TNRC18: variants seen among roughly 807,000 people sequenced by gnomAD.
TNRC18 encodes trinucleotide repeat containing 18, also known as trinucleotide repeat-containing gene 18 protein.
In TNRC18, 69 loss-of-function variants were observed where a neutral mutation model predicts 226.7. The observed-to-expected ratio is 0.30, with a 90% CI of 0.25 to 0.37. The LOEUF is 0.37. Ranked by LOEUF, TNRC18 falls within the 10% of genes least tolerant of loss-of-function variation. TNRC18 has a pLI of 1.00. For synonymous variants in TNRC18, 2,449 were observed against 1,927.6 expected, an observed-to-expected ratio of 1.27 and a Z score of -7.09; for missense variants, 4,754 against 4,256.6, an observed-to-expected ratio of 1.12 and a Z score of -3.25.
chr7:5,316,212 T>C (rs1787825266), intron 24 of TNRC18, 140 bp from the exon 25 acceptor site: 1 of 551,826 alleles, frequency 1.8e-6, no homozygotes. Flanking sequence ...GTGGAGGGTA[T>C]ACAGCGGCTC....
chr7:5,345,892 C>A (rs2128139947), intron 17 of TNRC18, 82 bp from the exon 18 acceptor site: 8 of 1,470,724 alleles, frequency 5.4e-6, no homozygotes, highest in Non-Finnish European at 7.2e-6. Flanking sequence ...CCCAGAGTGG[C>A]CTCTGGGCTC....
At chr7:5,379,780 G>A (rs1165632356) in intron 5 of TNRC18, among the ~76,000 whole-genome samples, 7 of 152,230 alleles carry the variant, frequency 4.6e-5, no homozygotes, top group Non-Finnish European at 8.8e-5. Flanking sequence ...AAACCTGCCC[G>A]TCGGCTCCCA....
chr7:5,364,303 T>C (rs898765913), intron 11 of TNRC18, among the ~76,000 whole-genome samples: 6 of 151,434 alleles, frequency 4.0e-5, no homozygotes, highest in Non-Finnish European at 8.8e-5. Context: ...AAAAACAAAA[T>C]TAAATAAAAT....
Position 5,421,060 on chromosome 7 carries a change from C to T in TNRC18, c.187G>A (p.Gly63Ser), listed in dbSNP as rs1180239796. The T allele has an allele frequency of 5.5e-5, 84 of 1,517,614 alleles. No homozygotes were observed. The highest frequency in any genetic ancestry group is 7.0e-5 in the Non-Finnish European group (79 of 1,122,790). The allele number at this position is 1,517,614 out of a possible 1,614,324, so 94.0% of individuals were successfully genotyped here. The change falls in exon 2 of 30, where the codon GGC becomes AGC. Residue 63 changes from glycine (G) to serine (S), a missense_variant and splice_region_variant. By Grantham distance (56) the Gly-to-Ser change is moderately conservative. Coordinates refer to ENST00000430969, the MANE Select transcript of TNRC18 (RefSeq NM_001080495.3). ...MAGLNLHPHP[G>S]EAFLGSFVAS... ...GACGGGCACGGCGCGGGGCACTTAC[C>T]CGGGTGCGGATGGAGATTCAGGCCG...
Position 5,377,331 on chromosome 7 carries a change from T to G in TNRC18, c.2461+40A>C. 1 of 518,914 alleles carries G rather than the reference T, an allele frequency of 1.9e-6. No individual in the cohort carries two copies. 32.1% of individuals were successfully genotyped at this position (518,914 alleles called of 1,614,324 possible). On this transcript the variant is annotated intron_variant, in intron 7 of 29. Coordinates refer to ENST00000430969, the MANE Select transcript of TNRC18 (RefSeq NM_001080495.3). The surrounding 1 kb of genome is among the most constrained non-coding windows in gnomAD (Gnocchi z 5.8). Reference sequence around the variant, plus strand: ...TCCTGCACCCGCCCCCTCCCACCCCTCCCTCAGAGAAGGGGAGAGACCCTG... The same window carrying G: ...TCCTGCACCCGCCCCCTCCCACCCCGCCCTCAGAGAAGGGGAGAGACCCTG...
chr7:5,421,277 A>T lies in TNRC18; in HGVS notation c.-31T>A. Reference sequence around the variant, plus strand: ...GCGGGAGTGCCGCGATCAGCCCCCCACCCGGCCCGCAGGCCTAGCTCAGTG... The same window carrying T: ...GCGGGAGTGCCGCGATCAGCCCCCCTCCCGGCCCGCAGGCCTAGCTCAGTG... On this transcript the variant is annotated 5_prime_UTR_variant, in exon 2 of 30. Transcript: ENST00000430969. The T allele has an allele frequency of 7.9e-7, 1 of 1,269,910 alleles. No homozygotes were observed. The highest frequency in any genetic ancestry group is 9.9e-7 in the Non-Finnish European group (1 of 1,005,690). 78.7% of individuals were successfully genotyped at this position (1,269,910 alleles called of 1,614,324 possible). A position where few individuals can be genotyped will look rare whatever the true frequency, so the allele number is the denominator to read the frequency against.
chr7:5,345,544 C>CCCCCCCCCCCCCCT lies in TNRC18; in HGVS notation c.5719+17_5719+18insAGGGGGGGGGGGGG. 7.0e-7 allele frequency: 1 copy of CCCCCCCCCCCCCCT among 1,423,604 alleles called. No homozygotes were observed. Among genetic ancestry groups the CCCCCCCCCCCCCCT allele is most frequent in the Non-Finnish European group, 9.3e-7 (1 of 1,079,986 alleles). The allele number at this position is 1,423,604 out of a possible 1,614,324, so 88.2% of individuals were successfully genotyped here. On this transcript the variant is annotated intron_variant, in intron 18 of 29. Coordinates refer to ENST00000430969, the MANE Select transcript of TNRC18 (RefSeq NM_001080495.3). ...CCCTCCCACCCACCCCCACCGCAGC[C>CCCCCCCCCCCCCCT]CACCTGCTGCCACTTACCCAGCAGG... is the stretch of plus-strand genomic sequence containing the variant.
intron 2 of TNRC18, among the ~76,000 whole-genome samples, chr7:5,411,619 A>G (rs1781851415): frequency 6.6e-6 from 1 of 152,156 alleles, no homozygotes; most frequent in African/African-American, 2.4e-5. Context: ...CTAGGACCCA[A>G]AAACGTTGCC....
chr7:5,354,861 ACT>A (rs1792182301), intron 16 of TNRC18, among the ~76,000 whole-genome samples: 1 of 152,006 alleles, frequency 6.6e-6, no homozygotes, highest in Non-Finnish European at 1.5e-5. Context: ...CGATATCTTA[ACT>A]CTGAGTCCAT....
At chr7:5,403,934 T>G (rs1215556394) in intron 2 of TNRC18, among the ~76,000 whole-genome samples, 1 of 152,128 alleles carries the variant, frequency 6.6e-6, no homozygotes, top group East Asian at 1.9e-4. Context: ...GTTTCCGAGA[T>G]AGCAGCTAAA....
rs375587610 is a variant in TNRC18 at position 5,308,319 on chromosome 7, G to A, written c.8701-7C>T. The A allele has an allele frequency of 9.3e-6, 15 of 1,606,366 alleles. No individual in the cohort carries two copies. The African/African-American group carries it at 1.2e-4, about 13-fold the overall frequency. ...AGGACTGGTATAGCGCGCGCTGCGGGCACGCGGGGATATCAGGATGGCAGG... is the reference window on the plus strand; with the variant it reads ...AGGACTGGTATAGCGCGCGCTGCGGACACGCGGGGATATCAGGATGGCAGG... On this transcript the variant is annotated splice_region_variant and splice_polypyrimidine_tract_variant and intron_variant, in intron 29 of 29. Coordinates refer to ENST00000430969, the MANE Select transcript of TNRC18 (RefSeq NM_001080495.3).
At chr7:5,345,526 A>AAACCCCCCCACACCCCCCCC in intron 18 of TNRC18, 36 bp downstream of exon 18, 1 of 177,498 alleles carries the variant, frequency 5.6e-6, no homozygotes, top group Non-Finnish European at 1.1e-5. Context: ...CGCCCCTCCC[A>AAACCCCCCCACACCCCCCCC]CCCACCCCCA....
intron 2 of TNRC18, among the ~76,000 whole-genome samples, chr7:5,405,139 G>A (rs189992790): frequency 6.6e-6 from 1 of 150,534 alleles, no homozygotes; most frequent in Non-Finnish European, 1.5e-5. Flanking sequence ...GAAGTATACA[G>A]AAATTAGGCT....
intron 2 of TNRC18, among the ~76,000 whole-genome samples, chr7:5,397,043 G>A (rs1364504531): frequency 6.6e-6 from 1 of 152,132 alleles, no homozygotes; most frequent in Non-Finnish European, 1.5e-5. Context: ...AGCAAGGGGT[G>A]CCCTCGGGCC....
In TNRC18 at chr7:5,324,200, T is replaced by A. The variant is rs779783611; in HGVS notation, c.6442+14A>T. Reference sequence around the variant, plus strand: ...GCAGCCCCGCCCGGCACATGTGGCATCACGGCCACTCACCCGGGGTCAGCG... The same window carrying A: ...GCAGCCCCGCCCGGCACATGTGGCAACACGGCCACTCACCCGGGGTCAGCG... On this transcript the variant is annotated intron_variant, in intron 21 of 29. Transcript: ENST00000430969. This position sits in a 1 kb window ranked among gnomAD's most constrained non-coding sequence, Gnocchi z 4.8. 2 of 1,588,938 alleles carry A rather than the reference T, an allele frequency of 1.3e-6. No homozygotes were observed. Among genetic ancestry groups the A allele is most frequent in the Non-Finnish European group, 8.5e-7 (1 of 1,170,758 alleles).
At chr7:5,354,808 G>T (rs180707858) in intron 16 of TNRC18, among the ~76,000 whole-genome samples, 1 of 152,152 alleles carries the variant, frequency 6.6e-6, no homozygotes, top group African/African-American at 2.4e-5. Context: ...CTCTGCCCAC[G>T]TAAGCTCACT....
intron 17 of TNRC18, among the ~76,000 whole-genome samples, chr7:5,350,242 T>C (rs1242812063): frequency 6.6e-6 from 1 of 150,664 alleles, no homozygotes; most frequent in Non-Finnish European, 1.5e-5. Context: ...GTCGGGGGCC[T>C]CTCTTCTCGG....
At chr7:5,329,195 C>T (rs1410224812) in intron 19 of TNRC18, among the ~76,000 whole-genome samples, 14 of 151,350 alleles carry the variant, frequency 9.3e-5, no homozygotes, top group Non-Finnish European at 1.8e-4. Flanking sequence ...CCCAGCTACT[C>T]GGGAGGCTGA....
chr7:5,356,540 C>G (rs1038632467), intron 16 of TNRC18, among the ~76,000 whole-genome samples: 14 of 152,376 alleles, frequency 9.2e-5, no homozygotes, highest in African/African-American at 3.1e-4. Context: ...GCGCTCCAGG[C>G]CTCTCTAGGC....
Sources: allele counts gnomAD v4.1 joint callset (sites outside exome capture counted in the v4.1 genomes callset), GRCh38; gene constraint gnomAD v4.1.1; non-coding constraint Gnocchi (gnomAD v3.1); transcripts MANE v1.5; gene names NCBI Gene and HGNC (gene_info 2026-07-23, HGNC 2026-07-21).